The following CLIP4 variants were observed in gnomAD, a reference collection of about 807,000 sequenced individuals.
The protein encoded by CLIP4 is CAP-Gly domain-containing linker protein 4.
CLIP4 carries 47 observed loss-of-function variants against 73.1 expected under a neutral mutation model. The ratio of observed to expected loss-of-function variants is 0.64; its 90% CI spans 0.51 to 0.82. CLIP4 has a LOEUF of 0.82. Among genes scored for constraint, CLIP4 ranks in the 40% least tolerant of loss-of-function variants. The pLI, the probability that CLIP4 is intolerant of heterozygous loss-of-function variation, is 0.00. For missense variants in CLIP4, 874 were observed against 852.9 expected, an observed-to-expected ratio of 1.02 and a Z score of -0.31; for synonymous variants, 306 against 295.4, an observed-to-expected ratio of 1.04 and a Z score of -0.37.
At chr2:29,132,374 G>C (rs1665038205) in intron 4 of CLIP4, 129 bp downstream of exon 4, 1 of 739,732 alleles carries the variant, frequency 1.4e-6, no homozygotes, top group South Asian at 1.7e-5. Flanking sequence ...CTGAAGAGCT[G>C]AGGATTCAGT....
At chr2:29,110,320 A>C (rs144726936) in intron 1 of CLIP4, among the ~76,000 whole-genome samples, 1 of 152,200 alleles carries the variant, frequency 6.6e-6, no homozygotes, top group Admixed American at 6.5e-5. Flanking sequence ...GGGCAAGCCC[A>C]GGTAGAAGCA....
intron 1 of CLIP4, among the ~76,000 whole-genome samples, chr2:29,100,127 G>A (rs6758943): frequency 0.017 from 2,552 of 151,542 alleles, 63 homozygotes; most frequent in African/African-American, 0.056. Context: ...CAGGGTTTTC[G>A]CCGTGTTGCC....
At chr2:29,144,054 T>C (rs1665980494) in intron 7 of CLIP4, 109 bp downstream of exon 7, 2 of 813,458 alleles carry the variant, frequency 2.5e-6, no homozygotes, top group African/African-American at 3.4e-5. Flanking sequence ...GTTCAACATG[T>C]AGGTAGAAAG....
intron 6 of CLIP4, among the ~76,000 whole-genome samples, chr2:29,136,206 G>T (rs1285422054): frequency 6.7e-6 from 1 of 149,306 alleles, no homozygotes; most frequent in African/African-American, 2.5e-5. Flanking sequence ...TTTTCAGAAA[G>T]TGTTCTGTTT....
At chr2:29,178,988 T>A (rs1203481587) in intron 15 of CLIP4, among the ~76,000 whole-genome samples, 2 of 152,188 alleles carry the variant, frequency 1.3e-5, no homozygotes, top group South Asian at 4.1e-4. Flanking sequence ...ACAGCCAGGG[T>A]TTCACCATGC....
At chr2:29,120,892 A>C (rs1209246748) in intron 1 of CLIP4, among the ~76,000 whole-genome samples, 3 of 152,188 alleles carry the variant, frequency 2.0e-5, no homozygotes, top group Admixed American at 6.5e-5. Flanking sequence ...GGATATGATT[A>C]ATTTTCAGTA....
chr2:29,171,303 C>T (rs928219891), intron 14 of CLIP4, among the ~76,000 whole-genome samples: 5 of 152,128 alleles, frequency 3.3e-5, no homozygotes, highest in Admixed American at 6.5e-5. Context: ...CTCATAGAGA[C>T]TTTGTACATG....
Position 29,143,882 on chromosome 2 carries a change from C to G in CLIP4, c.822C>G (p.Gly274=). ...AMLPNYDHVT[G]KAMLTSLGLK... is the part of the protein sequence containing the mutation. ...TCCCAAATTATGATCATGTCACTGG[C>G]AAGGCAATGCTTACGTCACTTGGCC... The change falls in exon 7 of 16, where the codon GGC becomes GGG. Residue 274 remains glycine, a synonymous_variant. Coordinates refer to ENST00000320081, the MANE Select transcript of CLIP4 (RefSeq NM_024692.6). The G allele has an allele frequency of 2.5e-6, 4 of 1,614,176 alleles. No homozygotes were observed. The highest frequency in any genetic ancestry group is 3.4e-6 in the Non-Finnish European group (4 of 1,180,012).
Position 29,182,596 on chromosome 2 carries a change from C to G in CLIP4, c.*703C>G, listed in dbSNP as rs1242984839. 3 of 152,470 alleles carry G rather than the reference C, an allele frequency of 2.0e-5. No homozygotes were observed. Among genetic ancestry groups the G allele is most frequent in the African/African-American group, 7.2e-5 (3 of 41,406 alleles). 9.4% of individuals were successfully genotyped at this position (152,470 alleles called of 1,614,324 possible). On this transcript the variant is annotated 3_prime_UTR_variant, in exon 16 of 16. Transcript: ENST00000320081. ...GACTGTGGGTCTCCTCACTTGTGGC[C>G]CAGTGCTCTTTCTGCTATACAAAAT...
At position 29,182,747 on chromosome 2, in the gene CLIP4, C is replaced by T. The variant is rs1041112266; in HGVS notation, c.*854C>T. 1 of 152,694 alleles carries T rather than the reference C, an allele frequency of 6.5e-6. No homozygotes were observed. The highest frequency in any genetic ancestry group is 1.9e-4 in the East Asian group (1 of 5,190). 9.5% of individuals were successfully genotyped at this position (152,694 alleles called of 1,614,324 possible). A position where few individuals can be genotyped will look rare whatever the true frequency, so the allele number is the denominator to read the frequency against. On this transcript the variant is annotated 3_prime_UTR_variant, in exon 16 of 16. Transcript: ENST00000320081. ...TTTTTTGCACAGACTTACTTAACTT[C>T]CTTATTGGATATGTTTGTAACACAT...
At chr2:29,180,910 G>A (rs1435954455) in intron 15 of CLIP4, among the ~76,000 whole-genome samples, 2 of 151,994 alleles carry the variant, frequency 1.3e-5, no homozygotes, top group African/African-American at 2.4e-5. Flanking sequence ...AATCCAGAAT[G>A]GGGTAGTCTT....
intron 1 of CLIP4, chr2:29,118,134 G>A (rs1209611374): frequency 1.3e-5 from 2 of 152,176 alleles, no homozygotes; most frequent in Non-Finnish European, 2.9e-5. Flanking sequence ...GAATGAAAGG[G>A]CCTCATGATT....
rs1004089364 is a variant in CLIP4, at chr2:29,182,491, T to G, written c.*598T>G. 4 of 152,412 alleles carry G rather than the reference T, an allele frequency of 2.6e-5. No individual in the cohort carries two copies. The highest frequency in any genetic ancestry group is 4.4e-5 in the Non-Finnish European group (3 of 68,060). 9.4% of individuals were successfully genotyped at this position (152,412 alleles called of 1,614,324 possible). On this transcript the variant is annotated 3_prime_UTR_variant, in exon 16 of 16. Coordinates refer to ENST00000320081, the MANE Select transcript of CLIP4 (RefSeq NM_024692.6). ...GCCTTAGAGGCTCTCCAGCTCTGCT[T>G]CTTGCCCATTGCCAAATACTGAAAT...
intron 2 of CLIP4, among the ~76,000 whole-genome samples, chr2:29,122,924 A>G (rs546983224): frequency 2.0e-5 from 3 of 151,824 alleles, no homozygotes; most frequent in African/African-American, 7.2e-5. Context: ...CTGTGTAGAC[A>G]TCATATTTTC....
At chr2:29,130,981 G>T in intron 2 of CLIP4, 4 of 1,116,968 alleles carry the variant, frequency 3.6e-6, no homozygotes, top group Non-Finnish European at 4.7e-6. Context: ...CTTACTAGCT[G>T]TGCGATGTTG....
rs577966470 is a variant in CLIP4, at chr2:29,181,002, A to G, written c.1797-570A>G. ...TTGAGTAATGAGTGCAGGGGTTAGG[A>G]GTGCCATCCCCTGCTTGCCTGCAAC... On this transcript the variant is annotated intron_variant, in intron 15 of 15. Coordinates refer to ENST00000320081, the MANE Select transcript of CLIP4 (RefSeq NM_024692.6). Among the ~76,000 whole-genome samples, 13 of 152,252 alleles carry G rather than the reference A, an allele frequency of 8.5e-5. No homozygotes were observed. The East Asian group carries it at 2.3e-3, about 27-fold the overall frequency.
chr2:29,139,735 C>CCTAGATTTTCTAGATTTCCT (rs1665628361), intron 6 of CLIP4, among the ~76,000 whole-genome samples: 2 of 151,922 alleles, frequency 1.3e-5, no homozygotes, highest in African/African-American at 2.4e-5. Flanking sequence ...AATTTAGATT[C>CCTAGATTTTCTAGATTTCCT]CTAGATTTTC....
At chr2:29,176,012 T>C (rs565524345) in intron 15 of CLIP4, among the ~76,000 whole-genome samples, 80 of 152,278 alleles carry the variant, frequency 5.3e-4, no homozygotes, top group Non-Finnish European at 8.1e-4. Context: ...CTGCCCACCT[T>C]GGCCTCCCAA....
intron 11 of CLIP4, 81 bp downstream of exon 11, chr2:29,157,428 G>A (rs769014588): frequency 5.0e-6 from 8 of 1,608,464 alleles, no homozygotes; most frequent in Non-Finnish European, 6.8e-6. Context: ...CTTTTTAAAT[G>A]TGTAGAAGGA....
Sources: allele counts gnomAD v4.1 joint callset (sites outside exome capture counted in the v4.1 genomes callset), GRCh38; gene constraint gnomAD v4.1.1; transcripts MANE v1.5; gene names NCBI Gene and HGNC (gene_info 2026-07-23, HGNC 2026-07-21).